Variants in RFXANK observed in about 807,000 individuals in gnomAD.
The protein encoded by RFXANK is regulatory factor X associated ankyrin containing protein, also known as DNA-binding protein RFXANK.
A neutral mutation model predicts 34.5 loss-of-function variants in RFXANK; 19 were observed. That is an observed-to-expected ratio of 0.55 (90% CI 0.38 to 0.81). The LOEUF (loss-of-function observed/expected upper bound fraction) is 0.81. Among genes scored for constraint, RFXANK ranks in the 30% least tolerant of loss-of-function variants. RFXANK has a pLI of 0.00. For synonymous variants in RFXANK, 154 were observed against 149.8 expected (o/e 1.03, Z -0.20); for missense variants, 295 against 343.5 (o/e 0.86, Z 1.12).
At chr19:19,198,418 G>A (rs1426647662) in intron 7 of RFXANK, among the ~76,000 whole-genome samples, 186 bp downstream of exon 7, 1 of 152,224 alleles carries the variant, frequency 6.6e-6, no homozygotes, top group African/African-American at 2.4e-5. Context: ...AGGCAGCTGA[G>A]ATGCAGTGAA....
At position 19,195,551 on chromosome 19, in the gene RFXANK, G is replaced by A. The variant is rs184307172; in HGVS notation, c.188-1412G>A. ...AACTCCTGACCTCAGGTGATTGCCC[G>A]CCTCGGCCTCCCAAAGTGCTGGGAT... On this transcript the variant is annotated intron_variant, in intron 3 of 9. Transcript: ENST00000303088. 1.7e-4 allele frequency among the ~76,000 whole-genome samples: 26 copies of A among 151,076 alleles called. No individual in the cohort carries two copies. In the East Asian group the frequency reaches 4.4e-3, roughly 25 times the overall value.
chr19:19,197,688 C>T (rs1599782795), intron 6 of RFXANK, 67 bp downstream of exon 6: 4 of 1,400,750 alleles, frequency 2.9e-6, no homozygotes, highest in Non-Finnish European at 4.0e-6. Context: ...GGGGTTTTGG[C>T]TGTGTCTGCT....
chr19:19,198,032 C>T lies in RFXANK; in HGVS notation c.439-75C>T, dbSNP rs201516227. The T allele has an allele frequency of 9.6e-4, 1,482 of 1,535,758 alleles. 4 individuals carry two copies. The highest frequency in any genetic ancestry group is 1.2e-3 in the Non-Finnish European group (1,352 of 1,130,010). ...ATCTCCAAAAAAAAAAAAAAAGATGCGGCTGCTGTGGGTACCCCAGGATTC... is the reference window on the plus strand; with the variant it reads ...ATCTCCAAAAAAAAAAAAAAAGATGTGGCTGCTGTGGGTACCCCAGGATTC... On this transcript the variant is annotated intron_variant, in intron 6 of 9. Coordinates refer to ENST00000303088, the MANE Select transcript of RFXANK (RefSeq NM_003721.4).
rs142958057 is a variant in RFXANK, at chr19:19,194,796, C to T, written c.187+663C>T. On this transcript the variant is annotated intron_variant, in intron 3 of 9. Coordinates refer to ENST00000303088, the MANE Select transcript of RFXANK (RefSeq NM_003721.4). ...GATTACAGGTGTGAGCCACAGTGCC[C>T]GGCCCTTCACACCTGTTTTTAACTC... Among the ~76,000 whole-genome samples the T allele has an allele frequency of 4.4e-3, 668 of 152,116 alleles. 5 individuals are homozygous for T. Among genetic ancestry groups the T allele is most frequent in the African/African-American group, 0.016 (652 of 41,494 alleles).
chr19:19,197,473 A>G (rs1282213070), intron 5 of RFXANK, 48 bp from the exon 6 acceptor site: 5 of 1,578,264 alleles, frequency 3.2e-6, no homozygotes, highest in Non-Finnish European at 4.3e-6. Flanking sequence ...CACTGGGGAT[A>G]GGGGGCAGGG....
chr19:19,194,258 GT>G, intron 3 of RFXANK, 125 bp downstream of exon 3: 1 of 1,099,244 alleles, frequency 9.1e-7, no homozygotes, highest in East Asian at 2.5e-5. Context: ...TTGAGATGGA[GT>G]TTTGCTCTTG....
At chr19:19,200,465 C>T (rs552280148) in intron 9 of RFXANK, among the ~76,000 whole-genome samples, 1 of 152,024 alleles carries the variant, frequency 6.6e-6, no homozygotes, top group Admixed American at 6.6e-5. Flanking sequence ...TGTGAGCCAC[C>T]ACGCCTGGCT....
chr19:19,197,721 G>A, intron 6 of RFXANK, 100 bp downstream of exon 6: 1 of 1,101,372 alleles, frequency 9.1e-7, no homozygotes, highest in Non-Finnish European at 1.3e-6. Flanking sequence ...TTGAGATGCG[G>A]CTGCTGGCTG....
rs1477024750 is a variant in RFXANK at position 19,193,046 on chromosome 19, A to G, written c.-63A>G. The stretch of plus-strand genomic sequence containing the variant: ...GAAAAGTTTGTGACTTGGGCCCCCA[A>G]GTTTTGAGAGAACTGGGCTTTCGGC... On this transcript the variant is annotated 5_prime_UTR_variant, in exon 2 of 10. Coordinates refer to ENST00000303088, the MANE Select transcript of RFXANK (RefSeq NM_003721.4). 4.6e-5 allele frequency: 7 copies of G among 152,216 alleles called. No homozygotes were observed. The highest frequency in any genetic ancestry group is 1.9e-4 in the East Asian group (1 of 5,188). 9.4% of individuals were successfully genotyped at this position (152,216 alleles called of 1,614,324 possible).
intron 3 of RFXANK, among the ~76,000 whole-genome samples, chr19:19,195,204 C>CA (rs2060577092): frequency 7.2e-6 from 1 of 138,356 alleles, no homozygotes; most frequent in Admixed American, 7.3e-5. Flanking sequence ...GACTACAGTC[C>CA]GTTTTTTTTT....
intron 9 of RFXANK, among the ~76,000 whole-genome samples, chr19:19,199,685 A>G: frequency 6.6e-6 from 1 of 152,042 alleles, no homozygotes. Context: ...GCCCCTGCGG[A>G]GGCCTGGCAG....
intron 3 of RFXANK, among the ~76,000 whole-genome samples, chr19:19,195,064 T>C (rs1278611953): frequency 6.7e-6 from 1 of 149,566 alleles, no homozygotes; most frequent in Non-Finnish European, 1.5e-5. Context: ...TTCTTTCTTT[T>C]TTTGAGATGG....
At chr19:19,195,163 A>G (rs1363563396) in intron 3 of RFXANK, among the ~76,000 whole-genome samples, 2 of 139,774 alleles carry the variant, frequency 1.4e-5, no homozygotes, top group East Asian at 2.1e-4. Context: ...TGTTCACGCC[A>G]TTCTCCTGCT....
intron 9 of RFXANK, among the ~76,000 whole-genome samples, chr19:19,200,648 G>C (rs917378313): frequency 2.6e-5 from 4 of 151,634 alleles, no homozygotes; most frequent in Non-Finnish European, 5.9e-5. Context: ...TTTTGAGACA[G>C]AGTCTCGCTC....
chr19:19,194,024 C>T lies in RFXANK; in HGVS notation c.78C>T (p.Asp26=), dbSNP rs2060550379. The T allele has an allele frequency of 6.2e-7, 1 of 1,614,228 alleles. No individual in the cohort carries two copies. The highest frequency in any genetic ancestry group is 8.5e-7 in the Non-Finnish European group (1 of 1,180,038). ...TPASELGDPE[D]PGEEAADGSD... Reference sequence around the variant, plus strand: ...CCTCAGAACTTGGGGACCCTGAAGACCCCGGAGAGGAGGCTGCAGATGGCT... The same window carrying T: ...CCTCAGAACTTGGGGACCCTGAAGATCCCGGAGAGGAGGCTGCAGATGGCT... Residue 26 remains aspartate, a synonymous_variant, in exon 3 of 10, where the codon GAC becomes GAT. Coordinates refer to ENST00000303088, the MANE Select transcript of RFXANK (RefSeq NM_003721.4).
chr19:19,201,783 C>T lies in RFXANK; in HGVS notation c.*64C>T. The T allele has an allele frequency of 6.2e-7, 1 of 1,613,362 alleles. No homozygotes were observed. The highest frequency in any genetic ancestry group is 1.7e-4 in the Middle Eastern group (1 of 6,060). On this transcript the variant is annotated 3_prime_UTR_variant, in exon 10 of 10. Transcript: ENST00000303088. The stretch of plus-strand genomic sequence containing the variant: ...ATGGTCAGCCAGAGCTGGGGAAACC[C>T]AGAACTGACTTCAAAGGCAGCTTCT...
chr19:19,201,368 A>G (rs2060711804), intron 9 of RFXANK: 2 of 1,108,652 alleles, frequency 1.8e-6, no homozygotes, highest in Non-Finnish European at 2.6e-6. Flanking sequence ...GTGAGCCACC[A>G]TGCCCAGGCT....
chr19:19,201,393 A>G, intron 9 of RFXANK: 1 of 1,320,082 alleles, frequency 7.6e-7, no homozygotes, highest in Admixed American at 2.0e-5. Context: ...TTTTCATGAA[A>G]GTCACAATTC....
In RFXANK at chr19:19,197,524, A is replaced by C; in HGVS notation, c.341A>C (p.Asp114Ala). 6.2e-7 allele frequency: 1 copy of C among 1,613,672 alleles called. No individual in the cohort carries two copies. Residue 114 changes from aspartate to alanine, a missense_variant, in exon 6 of 10, where the codon GAC becomes GCC. Transcript: ENST00000303088. ...ATTGCCCGCCTCCTCCTGCCAGGTG[A>C]CAACCTCGTCAACAAGCCAGACGAG... ...DQLKEHLRKG[D>A]NLVNKPDERG...
Sources: allele counts gnomAD v4.1 joint callset (sites outside exome capture counted in the v4.1 genomes callset), GRCh38; gene constraint gnomAD v4.1.1; transcripts MANE v1.5; gene names NCBI Gene and HGNC (gene_info 2026-07-23, HGNC 2026-07-21).